CCDC18: variants seen among roughly 807,000 people sequenced by gnomAD.
The protein encoded by CCDC18 is coiled-coil domain containing 18.
In CCDC18, 157 loss-of-function variants were observed where a neutral mutation model predicts 196.0. The observed-to-expected ratio is 0.80, with a 90% CI of 0.70 to 0.91. CCDC18 has a LOEUF of 0.91. Among genes scored for constraint, CCDC18 ranks in the 40% least tolerant of loss-of-function variants. The pLI is 0.00. For missense variants in CCDC18, 1,465 were observed against 1,611.6 expected, an observed-to-expected ratio of 0.91 and a Z score of 1.56; for synonymous variants, 482 against 529.2, an observed-to-expected ratio of 0.91 and a Z score of 1.22.
At chr1:93,238,934 T>C (rs1660404629) in intron 19 of CCDC18, among the ~76,000 whole-genome samples, 2 of 152,190 alleles carry the variant, frequency 1.3e-5, no homozygotes, top group African/African-American at 4.8e-5. Flanking sequence ...GTGAGTAATA[T>C]GGTTTTTATG....
chr1:93,244,553 G>C (rs912237693), intron 21 of CCDC18, among the ~76,000 whole-genome samples: 2 of 152,212 alleles, frequency 1.3e-5, no homozygotes, highest in African/African-American at 4.8e-5. Context: ...CCAGGGACTA[G>C]GGGAAGGGAA....
At chr1:93,207,038 A>T (rs1324455688) in intron 8 of CCDC18, 69 bp from the exon 9 acceptor site, 4 of 882,806 alleles carry the variant, frequency 4.5e-6, no homozygotes, top group Non-Finnish European at 4.9e-6. Context: ...TAAAAGTGAG[A>T]TTAAATAAAT....
intron 21 of CCDC18, among the ~76,000 whole-genome samples, chr1:93,244,548 G>T (rs755517073): frequency 1.5e-4 from 23 of 152,164 alleles, no homozygotes; most frequent in Non-Finnish European, 2.9e-4. Context: ...GGTTGCCAGG[G>T]ACTAGGGGAA....
At chr1:93,262,245 C>T (rs1445145899) in intron 26 of CCDC18, 1 of 152,212 alleles carries the variant, frequency 6.6e-6, no homozygotes, top group Non-Finnish European at 1.5e-5. Context: ...GTCCTTCTCA[C>T]ATTTCAAAAC....
chr1:93,239,492 G>C lies in CCDC18; in HGVS notation c.2767+19G>C, dbSNP rs558939475. ...AATGCTGGTAAGCAAGTGGTTAGAT[G>C]AGTATAGCTGCCTATGTATTTGTAC... On this transcript the variant is annotated intron_variant, in intron 20 of 28. Coordinates refer to ENST00000690025, the MANE Select transcript of CCDC18 (RefSeq NM_001378204.1). The C allele has an allele frequency of 6.3e-7, 1 of 1,589,104 alleles. No homozygotes were observed. The highest frequency in any genetic ancestry group is 1.4e-5 in the African/African-American group (1 of 73,554).
chr1:93,209,442 G>C (rs542348618), intron 9 of CCDC18, among the ~76,000 whole-genome samples: 2 of 152,192 alleles, frequency 1.3e-5, no homozygotes, highest in Non-Finnish European at 2.9e-5. Flanking sequence ...TTTCAGATAT[G>C]AATGTATGGT....
intron 3 of CCDC18, among the ~76,000 whole-genome samples, chr1:93,185,443 G>C (rs773669672): frequency 6.6e-6 from 1 of 151,886 alleles, no homozygotes. Flanking sequence ...AATAGTTCAA[G>C]TATCCAGTAA....
chr1:93,265,534 A>C (rs1373058780), intron 27 of CCDC18, among the ~76,000 whole-genome samples: 1 of 152,214 alleles, frequency 6.6e-6, no homozygotes, highest in Non-Finnish European at 1.5e-5. Flanking sequence ...AGGAAAAAGA[A>C]AAAGACTGCA....
intron 5 of CCDC18, 98 bp from the exon 6 acceptor site, chr1:93,193,518 A>G (rs1652189105): frequency 1.3e-6 from 1 of 747,702 alleles, no homozygotes. Context: ...CTCTTAACTC[A>G]TTGATTTAAA....
At chr1:93,180,119 C>G, upstream of CCDC18, 1 of 1,613,552 alleles carries the variant, frequency 6.2e-7, no homozygotes, top group Non-Finnish European at 8.5e-7. Flanking sequence ...TTCTGGCCGG[C>G]GGGAAGGGTA....
chr1:93,210,979 A>G (rs1655520512), intron 10 of CCDC18, 53 bp downstream of exon 10: 2 of 1,589,974 alleles, frequency 1.3e-6, no homozygotes, highest in Non-Finnish European at 8.6e-7. Context: ...TTTATTGGTA[A>G]TTAAGACCCT....
intron 14 of CCDC18, among the ~76,000 whole-genome samples, chr1:93,219,509 G>A (rs946229159): frequency 6.6e-6 from 1 of 152,206 alleles, no homozygotes; most frequent in Non-Finnish European, 1.5e-5. Context: ...TACCATGGCA[G>A]TTGATCTGAT....
At chr1:93,190,154 T>C (rs1294190546) in intron 4 of CCDC18, among the ~76,000 whole-genome samples, 2 of 152,214 alleles carry the variant, frequency 1.3e-5, no homozygotes, top group Non-Finnish European at 2.9e-5. Flanking sequence ...CATGTTTGCT[T>C]TACTTTCCTT....
intron 5 of CCDC18, among the ~76,000 whole-genome samples, chr1:93,192,614 A>G (rs1362896031): frequency 6.6e-6 from 1 of 152,002 alleles, no homozygotes; most frequent in Non-Finnish European, 1.5e-5. Context: ...TTTATTTTTT[A>G]TTTTGTAGAG....
rs752063588 is a variant in CCDC18, at chr1:93,256,400, A to G, written c.3408A>G (p.Glu1136=). ...AGGAGGCCATAGATTTGGGGCAAGA[A>G]TTGAGGCTGACCCGGGAGCAGGTGC... The part of the protein sequence containing the change: ...QYKEAIDLGQ[E]LRLTREQVQN... Residue 1136 remains glutamate (E), a synonymous_variant, in exon 25 of 29, where the codon GAA becomes GAG. Coordinates refer to ENST00000690025, the MANE Select transcript of CCDC18 (RefSeq NM_001378204.1). 6.2e-7 allele frequency: 1 copy of G among 1,614,148 alleles called. No homozygotes were observed. Among genetic ancestry groups the G allele is most frequent in the Non-Finnish European group, 8.5e-7 (1 of 1,179,994 alleles).
At chr1:93,271,155 G>C in intron 28 of CCDC18, 1 of 985,258 alleles carries the variant, frequency 1.0e-6, no homozygotes, top group Non-Finnish European at 1.2e-6. Flanking sequence ...GAGAAAGTAG[G>C]TTCTGAGGTG....
At chr1:93,217,963 T>A (rs1342171349) in intron 14 of CCDC18, 94 bp downstream of exon 14, 1 of 1,045,248 alleles carries the variant, frequency 9.6e-7, no homozygotes, top group Non-Finnish European at 1.4e-6. Context: ...GACACAAAGA[T>A]ACACAAAAGT....
chr1:93,189,176 G>A (rs1391909577), intron 4 of CCDC18, among the ~76,000 whole-genome samples: 1 of 152,040 alleles, frequency 6.6e-6, no homozygotes, highest in Non-Finnish European at 1.5e-5. Flanking sequence ...GTGTCCATGA[G>A]TTCAATTGTT....
chr1:93,266,139 C>T (rs1664471732), intron 27 of CCDC18, among the ~76,000 whole-genome samples: 1 of 152,194 alleles, frequency 6.6e-6, no homozygotes, highest in South Asian at 2.1e-4. Flanking sequence ...GATTAAGAAA[C>T]TCACTCAGAA....
Sources: allele counts gnomAD v4.1 joint callset (sites outside exome capture counted in the v4.1 genomes callset), GRCh38; gene constraint gnomAD v4.1.1; transcripts MANE v1.5; gene names NCBI Gene and HGNC (gene_info 2026-07-23, HGNC 2026-07-21).